Variants in GABRB1 observed in about 807,000 individuals in gnomAD.
GABRB1 encodes gamma-aminobutyric acid type A receptor subunit beta1.
GABRB1 carries 17 observed loss-of-function variants against 51.6 expected under a neutral mutation model. The ratio of observed to expected loss-of-function variants is 0.33; its 90% CI spans 0.23 to 0.49. The LOEUF (loss-of-function observed/expected upper bound fraction) is 0.49. GABRB1 is among the 20% of genes least tolerant of loss of function. The probability of loss-of-function intolerance (pLI) is 0.99; values close to 1 mark genes in which losing one functional copy is unlikely to be tolerated. For synonymous variants in GABRB1, 247 were observed against 218.9 expected, an observed-to-expected ratio of 1.13 and a Z score of -1.14; for missense variants, 410 against 600.6, an observed-to-expected ratio of 0.68 and a Z score of 3.32.
chr4:47,014,984 G>A (rs1050206752), intron 1 of GABRB1, among the ~76,000 whole-genome samples: 4 of 152,150 alleles, frequency 2.6e-5, no homozygotes, highest in Non-Finnish European at 4.4e-5. Context: ...TTGGCTCACT[G>A]CAACCTCTGC....
intron 3 of GABRB1, among the ~76,000 whole-genome samples, chr4:47,137,891 T>G (rs190886038): frequency 6.6e-6 from 1 of 152,142 alleles, no homozygotes; most frequent in South Asian, 2.1e-4. Context: ...AACAAAGGAA[T>G]GCAAAAACTA....
In GABRB1 at chr4:47,069,963, G is replaced by A. The variant is rs1727250269; in HGVS notation, c.240+37479G>A. 2.0e-5 allele frequency among the ~76,000 whole-genome samples: 3 copies of A among 151,856 alleles called. No homozygotes were observed. In the South Asian group the frequency reaches 6.2e-4, roughly 32 times the overall value. On this transcript the variant is annotated intron_variant, in intron 3 of 8. Coordinates refer to ENST00000295454, the MANE Select transcript of GABRB1 (RefSeq NM_000812.4). Reference sequence around the variant, plus strand: ...AGACCCCCATGTTGCTACCCCTAATGGTCATTCTCAGTCATCTTATTCAGT... The same window carrying A: ...AGACCCCCATGTTGCTACCCCTAATAGTCATTCTCAGTCATCTTATTCAGT...
chr4:47,084,260 G>C (rs745729326), intron 3 of GABRB1, among the ~76,000 whole-genome samples: 1 of 152,208 alleles, frequency 6.6e-6, no homozygotes, highest in African/African-American at 2.4e-5. Flanking sequence ...CCAATATGTG[G>C]TTTGAGCTTT....
intron 3 of GABRB1, among the ~76,000 whole-genome samples, chr4:47,034,097 TC>T (rs1214344914): frequency 6.6e-6 from 1 of 152,194 alleles, no homozygotes; most frequent in African/African-American, 2.4e-5. Context: ...TTCAATCATT[TC>T]CTTTGGTATC....
chr4:47,179,430 G>T (rs1028880374), intron 4 of GABRB1, among the ~76,000 whole-genome samples: 1 of 152,024 alleles, frequency 6.6e-6, no homozygotes, highest in Admixed American at 6.6e-5. Context: ...TCCCATTACT[G>T]GTTATATACC....
intron 8 of GABRB1, among the ~76,000 whole-genome samples, chr4:47,419,622 A>G (rs1729035536): frequency 6.6e-6 from 1 of 152,218 alleles, no homozygotes; most frequent in Non-Finnish European, 1.5e-5. Flanking sequence ...CTCTGAATTT[A>G]TAAAATGAGG....
chr4:47,326,082 C>A (rs901446423), intron 5 of GABRB1, among the ~76,000 whole-genome samples: 1 of 152,142 alleles, frequency 6.6e-6, no homozygotes, highest in African/African-American at 2.4e-5. Context: ...ATGATGAAAT[C>A]GCCTACGATC....
At chr4:47,368,199 C>T (rs1281983254) in intron 5 of GABRB1, among the ~76,000 whole-genome samples, 1 of 152,158 alleles carries the variant, frequency 6.6e-6, no homozygotes, top group Non-Finnish European at 1.5e-5. Flanking sequence ...TATATGCAGC[C>T]TAACTAGGAG....
intron 3 of GABRB1, among the ~76,000 whole-genome samples, chr4:47,123,473 A>T (rs1405304858): frequency 1.8e-5 from 2 of 113,274 alleles, no homozygotes; most frequent in Non-Finnish European, 1.7e-5. Context: ...TATATATTAT[A>T]ATATATTACA....
intron 4 of GABRB1, among the ~76,000 whole-genome samples, chr4:47,180,401 A>G (rs997607114): frequency 1.3e-5 from 2 of 152,108 alleles, no homozygotes; most frequent in African/African-American, 4.8e-5. Context: ...CTGATAAAAA[A>G]CATTAATGTT....
intron 4 of GABRB1, among the ~76,000 whole-genome samples, chr4:47,161,684 A>G (rs1372238410): frequency 6.6e-6 from 1 of 152,098 alleles, no homozygotes; most frequent in African/African-American, 2.4e-5. Context: ...AGTTTTAACA[A>G]GGAAATATCT....
intron 8 of GABRB1, among the ~76,000 whole-genome samples, chr4:47,413,720 G>A (rs955373922): frequency 1.3e-5 from 2 of 152,108 alleles, no homozygotes; most frequent in Non-Finnish European, 2.9e-5. Flanking sequence ...ACTTTTGATC[G>A]CTCTGGCTGG....
rs550878007 is a variant in GABRB1, at chr4:47,352,860, A to G, written c.544+32651A>G. 3.9e-5 allele frequency among the ~76,000 whole-genome samples: 6 copies of G among 152,318 alleles called. No homozygotes were observed. The South Asian group carries it at 1.0e-3, about 26-fold the overall frequency. ...AGGATGTTCAGAGATCTTTCCCAGC[A>G]TGTTTCTAGATCCATTTTCTTTCCA... On this transcript the variant is annotated intron_variant, in intron 5 of 8. Coordinates refer to ENST00000295454, the MANE Select transcript of GABRB1 (RefSeq NM_000812.4).
intron 3 of GABRB1, among the ~76,000 whole-genome samples, chr4:47,079,038 G>A (rs926390310): frequency 1.3e-5 from 2 of 152,160 alleles, no homozygotes; most frequent in Non-Finnish European, 2.9e-5. Flanking sequence ...GGATTCTTGT[G>A]TCGATGTTCA....
At chr4:47,415,026 T>C (rs1728867987) in intron 8 of GABRB1, among the ~76,000 whole-genome samples, 1 of 152,230 alleles carries the variant, frequency 6.6e-6, no homozygotes, top group Non-Finnish European at 1.5e-5. Flanking sequence ...CAAACCCCTG[T>C]CCTAATCTGG....
In GABRB1 at chr4:47,291,980, T is replaced by C. The variant is rs561443359; in HGVS notation, c.462-28147T>C. On this transcript the variant is annotated intron_variant, in intron 4 of 8. Coordinates refer to ENST00000295454, the MANE Select transcript of GABRB1 (RefSeq NM_000812.4). ...TTGAGGGACTGTTGGGAAGGCATGA[T>C]TGGTTTTGAATTGTGAGGACATGAG... Among the ~76,000 whole-genome samples the C allele has an allele frequency of 2.6e-5, 4 of 152,268 alleles. No individual in the cohort carries two copies. The South Asian group carries it at 6.2e-4, about 24-fold the overall frequency.
intron 4 of GABRB1, among the ~76,000 whole-genome samples, chr4:47,221,805 A>C (rs1720777632): frequency 6.6e-6 from 1 of 151,960 alleles, no homozygotes; most frequent in Non-Finnish European, 1.5e-5. Flanking sequence ...AGACCAATAC[A>C]TTTTCTTGTT....
chr4:47,401,071 C>T (rs1228665751), intron 5 of GABRB1, among the ~76,000 whole-genome samples: 1 of 151,934 alleles, frequency 6.6e-6, no homozygotes, highest in African/African-American at 2.4e-5. Context: ...ATATATATGC[C>T]ACGTTTTTCT....
chr4:47,353,073 G>A (rs926964210), intron 5 of GABRB1, among the ~76,000 whole-genome samples: 6 of 152,150 alleles, frequency 3.9e-5, no homozygotes, highest in African/African-American at 1.4e-4. Context: ...AAATAAGGAA[G>A]ATGCAAAAGC....
Sources: gnomAD v4.1 joint callset for allele counts (sites outside exome capture counted in the v4.1 genomes callset) on GRCh38, gnomAD v4.1.1 for gene constraint, MANE v1.5 for transcripts, NCBI Gene and HGNC (gene_info 2026-07-23, HGNC 2026-07-21) for gene names.